Variants in HS6ST1 observed in about 807,000 individuals in gnomAD.
HS6ST1 encodes heparan sulfate 6-O-sulfotransferase 1.
HS6ST1 carries 3 observed loss-of-function variants against 25.2 expected under a neutral mutation model. That is an observed-to-expected ratio of 0.12 (90% CI 0.05 to 0.31). The LOEUF is 0.31. Among genes scored for constraint, HS6ST1 ranks in the 10% least tolerant of loss-of-function variants. The pLI is 1.00. For synonymous variants in HS6ST1, 204 were observed against 275.1 expected (o/e 0.74, Z 2.56); for missense variants, 310 against 609.6 (o/e 0.51, Z 5.18).
chr2:128,313,921 G>T (rs963442870), intron 1 of HS6ST1, among the ~76,000 whole-genome samples: 3 of 148,246 alleles, frequency 2.0e-5, no homozygotes, highest in Non-Finnish European at 4.4e-5. Flanking sequence ...TCGTAAGTTT[G>T]CCTTATCATG....
At chr2:128,315,731 C>T (rs1694352424) in intron 1 of HS6ST1, among the ~76,000 whole-genome samples, 1 of 152,294 alleles carries the variant, frequency 6.6e-6, no homozygotes. Context: ...GGCCAGAAGA[C>T]TCAGGTGGCG....
chr2:128,299,053 G>T (rs10209361), intron 1 of HS6ST1, among the ~76,000 whole-genome samples: 1 of 152,226 alleles, frequency 6.6e-6, no homozygotes, highest in Non-Finnish European at 1.5e-5. Flanking sequence ...AAGGGCACCA[G>T]AATCGGCCTC....
At chr2:128,279,872 CGCGTGA>C (rs910802138) in intron 1 of HS6ST1, among the ~76,000 whole-genome samples, 10 of 152,166 alleles carry the variant, frequency 6.6e-5, no homozygotes, top group African/African-American at 2.4e-4. Context: ...CTCTGAGGAC[CGCGTGA>C]GCACCCGGCC....
intron 1 of HS6ST1, among the ~76,000 whole-genome samples, chr2:128,277,386 G>A (rs762168102): frequency 2.0e-5 from 3 of 152,214 alleles, no homozygotes; most frequent in Non-Finnish European, 4.4e-5. Flanking sequence ...GGCTCCCAGC[G>A]TTCACCCCTG....
chr2:128,284,725 T>C (rs1322847887), intron 1 of HS6ST1, among the ~76,000 whole-genome samples: 3 of 152,148 alleles, frequency 2.0e-5, no homozygotes, highest in Non-Finnish European at 2.9e-5. Context: ...TGACTTCAGG[T>C]GATCCACCTG....
At chr2:128,292,634 C>A (rs1005527799) in intron 1 of HS6ST1, among the ~76,000 whole-genome samples, 3 of 152,064 alleles carry the variant, frequency 2.0e-5, no homozygotes, top group Non-Finnish European at 4.4e-5. Flanking sequence ...GCAGGGACAG[C>A]CCAGCAAGGG....
At chr2:128,310,410 C>A (rs1031721456) in intron 1 of HS6ST1, among the ~76,000 whole-genome samples, 1 of 152,196 alleles carries the variant, frequency 6.6e-6, no homozygotes, top group African/African-American at 2.4e-5. Context: ...AGGTCCTGAG[C>A]CCTAGAGGGA....
At chr2:128,285,440 G>A (rs1693846542) in intron 1 of HS6ST1, among the ~76,000 whole-genome samples, 2 of 152,198 alleles carry the variant, frequency 1.3e-5, no homozygotes, top group African/African-American at 2.4e-5. Flanking sequence ...CCCTGCACTG[G>A]GCGCCTGTGT....
Position 128,267,820 on chromosome 2 carries a change from C to T in HS6ST1, c.*342G>A. ...ACTCCCGGCCTGGCAGGTCCACTTT[C>T]CGCTGTCCTCGTCTCTTGCGCAAAC... On this transcript the variant is annotated 3_prime_UTR_variant, in exon 2 of 2. Coordinates refer to ENST00000259241, the MANE Select transcript of HS6ST1 (RefSeq NM_004807.3). 1 of 406,626 alleles carries T rather than the reference C, an allele frequency of 2.5e-6. No individual in the cohort carries two copies. The highest frequency in any genetic ancestry group is 4.4e-6 in the Non-Finnish European group (1 of 224,818). 25.2% of individuals were successfully genotyped at this position (406,626 alleles called of 1,614,324 possible). A position where few individuals can be genotyped will look rare whatever the true frequency, so the allele number is the denominator to read the frequency against.
chr2:128,296,007 A>G (rs748007629), intron 1 of HS6ST1, among the ~76,000 whole-genome samples: 27 of 152,198 alleles, frequency 1.8e-4, no homozygotes, highest in Non-Finnish European at 2.9e-4. Flanking sequence ...GCCATAATGA[A>G]TGGGACCAGT....
intron 1 of HS6ST1, among the ~76,000 whole-genome samples, chr2:128,269,796 G>A (rs1693585171): frequency 6.6e-6 from 1 of 152,228 alleles, no homozygotes. Flanking sequence ...GCCCGGGGGA[G>A]CAGCTCCAGA....
chr2:128,302,178 AG>A (rs1320637603), intron 1 of HS6ST1, among the ~76,000 whole-genome samples: 1 of 152,182 alleles, frequency 6.6e-6, no homozygotes, highest in African/African-American at 2.4e-5. Context: ...CTGCTGCCTC[AG>A]GGAGTCTGAG....
intron 1 of HS6ST1, among the ~76,000 whole-genome samples, chr2:128,273,125 G>T (rs1003478789): frequency 6.6e-5 from 10 of 152,194 alleles, no homozygotes; most frequent in East Asian, 1.9e-4. Context: ...TGTGTTCAAA[G>T]ATATTAGCAG....
intron 1 of HS6ST1, among the ~76,000 whole-genome samples, chr2:128,297,565 T>C (rs889390574): frequency 6.6e-6 from 1 of 152,250 alleles, no homozygotes; most frequent in Non-Finnish European, 1.5e-5. Context: ...TGGTGGCTTA[T>C]GCCTATAATT....
intron 1 of HS6ST1, among the ~76,000 whole-genome samples, chr2:128,298,348 C>T (rs911008482): frequency 6.6e-6 from 1 of 152,142 alleles, no homozygotes; most frequent in Admixed American, 6.5e-5. Context: ...AAAGCAGAGA[C>T]TTAAACAGAT....
chr2:128,311,992 G>GCAGAGCC (rs1423247625), intron 1 of HS6ST1, among the ~76,000 whole-genome samples: 2 of 152,378 alleles, frequency 1.3e-5, no homozygotes, highest in East Asian at 3.9e-4. Flanking sequence ...CACTACCTTT[G>GCAGAGCC]CAGAGCCCAG....
chr2:128,276,132 A>AATT (rs927284227), intron 1 of HS6ST1, among the ~76,000 whole-genome samples: 3 of 152,120 alleles, frequency 2.0e-5, no homozygotes, highest in Non-Finnish European at 4.4e-5. Flanking sequence ...TACATGTTGA[A>AATT]ATTATTATTA....
At position 128,285,099 on chromosome 2, in the gene HS6ST1, T is replaced by C. The variant is rs765990321; in HGVS notation, c.528-16229A>G. ...AGAGAACACACGCTGATGGAGTGCC[T>C]ACTGCGTGCTCTAGGTCGCCGACCA... On this transcript the variant is annotated intron_variant, in intron 1 of 1. Coordinates refer to ENST00000259241, the MANE Select transcript of HS6ST1 (RefSeq NM_004807.3). Among the ~76,000 whole-genome samples the C allele has an allele frequency of 3.3e-5, 5 of 152,316 alleles. No homozygotes were observed. The East Asian group carries it at 9.7e-4, about 29-fold the overall frequency.
In HS6ST1 at chr2:128,318,489, C is replaced by A. The variant is rs370007456; in HGVS notation, c.75G>T (p.Ser25=). 27 of 1,549,870 alleles carry A rather than the reference C, an allele frequency of 1.7e-5. No homozygotes were observed. The highest frequency in any genetic ancestry group is 2.2e-5 in the Non-Finnish European group (25 of 1,151,804). ...ASKFVLVVAG[S]VCFMLILYQY... Reference sequence around the variant, plus strand: ...GGTACAAGATGAGCATGAAGCACACCGAGCCCGCCACCACCAGCACGAACT... The same window carrying A: ...GGTACAAGATGAGCATGAAGCACACAGAGCCCGCCACCACCAGCACGAACT... Residue 25 remains serine (S), a synonymous_variant, in exon 1 of 2, where the codon TCG becomes TCT. Coordinates refer to ENST00000259241, the MANE Select transcript of HS6ST1 (RefSeq NM_004807.3). This position sits in a 1 kb window ranked among gnomAD's most constrained non-coding sequence, Gnocchi z 5.7.
Sources: gnomAD v4.1 joint callset for allele counts (sites outside exome capture counted in the v4.1 genomes callset) on GRCh38, gnomAD v4.1.1 for gene constraint, Gnocchi (gnomAD v3.1) non-coding constraint, MANE v1.5 for transcripts, NCBI Gene and HGNC (gene_info 2026-07-23, HGNC 2026-07-21) for gene names.